RBMS3: variants seen among roughly 807,000 people sequenced by gnomAD.
RBMS3 encodes RNA-binding motif, single-stranded-interacting protein 3.
In RBMS3, 27 loss-of-function variants were observed where a neutral mutation model predicts 66.8. The ratio of observed to expected loss-of-function variants is 0.40; its 90% CI spans 0.30 to 0.56. The LOEUF (loss-of-function observed/expected upper bound fraction) is 0.56. RBMS3 is among the 20% of genes least tolerant of loss of function. The pLI is 0.40. For synonymous variants in RBMS3, 188 were observed against 183.0 expected, an observed-to-expected ratio of 1.03 and a Z score of -0.22; for missense variants, 513 against 549.5, an observed-to-expected ratio of 0.93 and a Z score of 0.66.
At chr3:29,777,234 T>C (rs546168589) in intron 6 of RBMS3, among the ~76,000 whole-genome samples, 2 of 152,016 alleles carry the variant, frequency 1.3e-5, no homozygotes, top group Non-Finnish European at 2.9e-5. Flanking sequence ...TCTCCTATAC[T>C]GGGTGTCTAT....
intron 3 of RBMS3, among the ~76,000 whole-genome samples, chr3:29,491,181 G>C (rs1318861771): frequency 6.6e-6 from 1 of 152,192 alleles, no homozygotes; most frequent in African/African-American, 2.4e-5. Context: ...TATATAGTGG[G>C]AGCGTGGGTG....
In RBMS3 at chr3:29,982,511, G is replaced by C. The variant is rs534700480; in HGVS notation, c.1099-5632G>C. On this transcript the variant is annotated intron_variant, in intron 12 of 14. Transcript: ENST00000383767. ...TAGTTCTTTCAATTGTGACGTTAGG[G>C]TGTCGATTTTAGATCTTTCCTGCTT... 5.9e-5 allele frequency among the ~76,000 whole-genome samples: 9 copies of C among 152,162 alleles called. No individual in the cohort carries two copies. The East Asian group carries it at 1.5e-3, about 26-fold the overall frequency.
chr3:29,932,812 G>A (rs969128556), intron 10 of RBMS3, among the ~76,000 whole-genome samples: 8 of 152,040 alleles, frequency 5.3e-5, no homozygotes, highest in African/African-American at 1.2e-4. Flanking sequence ...ATATATTTAC[G>A]CCACACATGA....
At chr3:29,688,469 A>AT (rs2051831179) in intron 4 of RBMS3, among the ~76,000 whole-genome samples, 1 of 151,450 alleles carries the variant, frequency 6.6e-6, no homozygotes, top group Non-Finnish European at 1.5e-5. Flanking sequence ...AAGAGGGTAG[A>AT]TCCCACATTG....
intron 4 of RBMS3, among the ~76,000 whole-genome samples, chr3:29,686,973 C>T (rs936557414): frequency 6.6e-6 from 1 of 152,114 alleles, no homozygotes; most frequent in Non-Finnish European, 1.5e-5. Context: ...GATAAAATGG[C>T]AGGTACTGGC....
At position 29,501,505 on chromosome 3, in the gene RBMS3, G is replaced by A. The variant is rs200569514; in HGVS notation, c.307+13006G>A. 5.3e-5 allele frequency among the ~76,000 whole-genome samples: 8 copies of A among 152,220 alleles called. No homozygotes were observed. The East Asian group carries it at 1.4e-3, about 26-fold the overall frequency. The stretch of plus-strand genomic sequence containing the variant: ...ACGTAAATTTGTGAAAACATCCGAC[G>A]CTGTTGCAAGCCCGAGGTTAATTTA... On this transcript the variant is annotated intron_variant, in intron 3 of 14. Transcript: ENST00000383767.
At chr3:29,297,102 A>T (rs550821980) in intron 1 of RBMS3, among the ~76,000 whole-genome samples, 3 of 151,810 alleles carry the variant, frequency 2.0e-5, no homozygotes, top group East Asian at 1.9e-4. Context: ...GTAGAGTAAT[A>T]GTTGTGGGAG....
chr3:29,838,790 C>T (rs1424349209), intron 6 of RBMS3, among the ~76,000 whole-genome samples: 1 of 152,104 alleles, frequency 6.6e-6, no homozygotes, highest in East Asian at 1.9e-4. Flanking sequence ...CCATTAGTAT[C>T]AAGTTTATAT....
Position 29,300,111 on chromosome 3 carries a change from A to G in RBMS3, c.75+18355A>G, listed in dbSNP as rs376772720. On this transcript the variant is annotated intron_variant, in intron 1 of 14. Coordinates refer to ENST00000383767, the MANE Select transcript of RBMS3 (RefSeq NM_001003793.3). ...AAGAAATAATAACCACGAGGGAGAT[A>G]CTATTTTTGCCTACTTGGTTTTTAA... is the stretch of plus-strand genomic sequence containing the variant. Among the ~76,000 whole-genome samples the G allele has an allele frequency of 2.4e-4, 37 of 152,116 alleles. No individual in the cohort carries two copies. In the South Asian group the frequency reaches 7.7e-3, roughly 31 times the overall value.
chr3:29,661,822 C>T (rs1317062529), intron 4 of RBMS3, among the ~76,000 whole-genome samples: 1 of 152,164 alleles, frequency 6.6e-6, no homozygotes, highest in Admixed American at 6.5e-5. Context: ...TCTCCTTGCA[C>T]CTATCCTGCT....
intron 4 of RBMS3, among the ~76,000 whole-genome samples, chr3:29,729,934 G>T (rs902754998): frequency 6.6e-6 from 1 of 151,680 alleles, no homozygotes; most frequent in African/African-American, 2.4e-5. Flanking sequence ...TACCTCAAGG[G>T]CTAAGGAATA....
At chr3:29,693,446 A>G (rs902769226) in intron 4 of RBMS3, among the ~76,000 whole-genome samples, 3 of 152,168 alleles carry the variant, frequency 2.0e-5, no homozygotes, top group East Asian at 1.9e-4. Context: ...GGGCAAATAT[A>G]TATCTTATAA....
chr3:29,858,735 T>C (rs2059140478), intron 6 of RBMS3, among the ~76,000 whole-genome samples: 1 of 152,256 alleles, frequency 6.6e-6, no homozygotes, highest in South Asian at 2.1e-4. Context: ...TTATTCCCCT[T>C]ATGGGGCATG....
chr3:29,718,177 A>C (rs115090737), intron 4 of RBMS3, among the ~76,000 whole-genome samples: 4,541 of 152,214 alleles, frequency 0.03, 212 homozygotes, highest in African/African-American at 0.1. Context: ...AAATAGAAAA[A>C]ATCTGAAGTA....
At chr3:29,359,633 T>A (rs920793619) in intron 1 of RBMS3, among the ~76,000 whole-genome samples, 1 of 152,116 alleles carries the variant, frequency 6.6e-6, no homozygotes, top group Non-Finnish European at 1.5e-5. Context: ...TCCAGCTCCT[T>A]CTTGTACCTC....
intron 7 of RBMS3, among the ~76,000 whole-genome samples, chr3:29,883,550 C>T (rs2059786199): frequency 6.6e-6 from 1 of 151,866 alleles, no homozygotes; most frequent in African/African-American, 2.4e-5. Context: ...GGTCTTATTC[C>T]TAAAAACAAA....
intron 3 of RBMS3, among the ~76,000 whole-genome samples, chr3:29,582,446 A>T (rs903202281): frequency 1.3e-5 from 2 of 152,200 alleles, no homozygotes; most frequent in Non-Finnish European, 2.9e-5. Context: ...AAACAAGGAC[A>T]GGAGTGTGTG....
At chr3:29,364,028 C>T (rs1575621481) in intron 1 of RBMS3, among the ~76,000 whole-genome samples, 2 of 151,974 alleles carry the variant, frequency 1.3e-5, no homozygotes, top group Middle Eastern at 3.4e-3. Context: ...ATTCATGTTT[C>T]TTAGGGCCAA....
intron 4 of RBMS3, chr3:29,615,381 T>TTGGGGTGCTG: frequency 6.6e-6 from 1 of 152,142 alleles, no homozygotes; most frequent in Admixed American, 6.5e-5. Flanking sequence ...TTCCTCATAT[T>TTGGGGTGCTG]AATAGGATGT....
Sources: allele counts gnomAD v4.1 joint callset (sites outside exome capture counted in the v4.1 genomes callset), GRCh38; gene constraint gnomAD v4.1.1; transcripts MANE v1.5; gene names NCBI Gene and HGNC (gene_info 2026-07-23, HGNC 2026-07-21).